The following RGS6 variants were observed in gnomAD, a reference collection of about 807,000 sequenced individuals.
The protein encoded by RGS6 is regulator of G-protein signaling 6.
Under a neutral mutation model 78.5 loss-of-function variants are expected in RGS6, and 30 were observed. The ratio of observed to expected loss-of-function variants is 0.38; its 90% CI spans 0.29 to 0.52. The LOEUF (loss-of-function observed/expected upper bound fraction) is 0.52. Among genes scored for constraint, RGS6 ranks in the 20% least tolerant of loss-of-function variants. The probability of loss-of-function intolerance (pLI) is 0.85; values close to 1 mark genes in which losing one functional copy is unlikely to be tolerated. For synonymous variants in RGS6, 206 were observed against 206.0 expected (o/e 1.00, Z 0.00); for missense variants, 495 against 609.7 (o/e 0.81, Z 1.98).
At chr14:72,566,643 A>T (rs1353385355), downstream of RGS6, 45 of 121,352 alleles carry the variant, frequency 3.7e-4, 1 homozygote, top group African/African-American at 1.3e-3. Context: ...ACACACACAC[A>T]CACACACACA....
At chr14:72,486,536 C>A (rs1215194332) in intron 12 of RGS6, among the ~76,000 whole-genome samples, 2 of 152,116 alleles carry the variant, frequency 1.3e-5, no homozygotes, top group African/African-American at 4.8e-5. Context: ...CATCCAGAAT[C>A]CCTATCTGCT....
chr14:72,464,972 G>A (rs1052820597), intron 6 of RGS6, among the ~76,000 whole-genome samples: 1 of 152,180 alleles, frequency 6.6e-6, no homozygotes, highest in African/African-American at 2.4e-5. Context: ...TCAGTGCAAT[G>A]GAATTTAGTT....
chr14:71,933,355 G>T (rs2088200832), intron 1 of RGS6: 1 of 151,984 alleles, frequency 6.6e-6, no homozygotes, highest in Non-Finnish European at 1.5e-5. Context: ...CCCTGAACAA[G>T]CTCGCCCATT....
the RGS6 span, among the ~76,000 whole-genome samples, chr14:72,600,166 C>T: frequency 4.7e-4 from 72 of 152,202 alleles, no homozygotes; most frequent in African/African-American, 1.6e-3. Flanking sequence ...TGCCTTCACT[C>T]TCTCCCCCTC....
chr14:72,190,082 T>G (rs2097303311), intron 2 of RGS6, among the ~76,000 whole-genome samples: 1 of 152,202 alleles, frequency 6.6e-6, no homozygotes, highest in Admixed American at 6.5e-5. Flanking sequence ...CCAGCCAACC[T>G]GTGTACCCCT....
At chr14:72,096,651 G>T (rs2095414499) in intron 2 of RGS6, among the ~76,000 whole-genome samples, 1 of 152,148 alleles carries the variant, frequency 6.6e-6, no homozygotes, top group Non-Finnish European at 1.5e-5. Flanking sequence ...GGCAGCTGGG[G>T]CTCCTACACA....
the RGS6 span, among the ~76,000 whole-genome samples, chr14:71,926,871 C>A: frequency 6.6e-6 from 1 of 152,088 alleles, no homozygotes; most frequent in African/African-American, 2.4e-5. Flanking sequence ...AAGGATCCTT[C>A]TTATTGAAGT....
intron 3 of RGS6, among the ~76,000 whole-genome samples, chr14:72,439,581 A>T (rs866025379): frequency 6.6e-6 from 1 of 152,230 alleles, no homozygotes; most frequent in African/African-American, 2.4e-5. Flanking sequence ...CGCTAAGCCT[A>T]TGCAATAAAT....
chr14:72,389,650 G>A (rs531229171), intron 3 of RGS6, among the ~76,000 whole-genome samples: 13 of 152,296 alleles, frequency 8.5e-5, no homozygotes, highest in African/African-American at 3.1e-4. Flanking sequence ...ATGAGTGGTA[G>A]CATCCTAAGC....
At chr14:72,202,814 C>A (rs1030787211) in intron 2 of RGS6, among the ~76,000 whole-genome samples, 1 of 151,886 alleles carries the variant, frequency 6.6e-6, no homozygotes, top group Non-Finnish European at 1.5e-5. Flanking sequence ...TCTGCTTGAA[C>A]AGCAAGTCTG....
intron 12 of RGS6, among the ~76,000 whole-genome samples, chr14:72,489,862 C>T (rs1286108190): frequency 6.6e-6 from 1 of 152,190 alleles, no homozygotes; most frequent in Non-Finnish European, 1.5e-5. Context: ...GTTGTTTTAA[C>T]CATTTGTGGT....
the RGS6 span, among the ~76,000 whole-genome samples, chr14:71,925,181 C>G: frequency 6.6e-6 from 1 of 152,118 alleles, no homozygotes; most frequent in African/African-American, 2.4e-5. Flanking sequence ...GTGGAACATT[C>G]TTTTCATATA....
chr14:72,305,391 A>AT (rs541316521), intron 2 of RGS6, among the ~76,000 whole-genome samples: 36 of 152,122 alleles, frequency 2.4e-4, no homozygotes, highest in Non-Finnish European at 4.1e-4. Flanking sequence ...CAGATATCAC[A>AT]TTTTTTTACA....
At chr14:72,244,064 C>T (rs1281027899) in intron 2 of RGS6, among the ~76,000 whole-genome samples, 1 of 152,096 alleles carries the variant, frequency 6.6e-6, no homozygotes, top group Admixed American at 6.6e-5. Context: ...TGCAGTCTAC[C>T]CTCAGAACAG....
chr14:72,448,071 G>A (rs1161979432), intron 3 of RGS6, among the ~76,000 whole-genome samples: 1 of 152,186 alleles, frequency 6.6e-6, no homozygotes, highest in African/African-American at 2.4e-5. Flanking sequence ...GCATTGTGAA[G>A]AGAGTTTTGT....
intron 2 of RGS6, among the ~76,000 whole-genome samples, chr14:72,158,395 C>T (rs548690014): frequency 2.6e-5 from 4 of 152,172 alleles, no homozygotes; most frequent in African/African-American, 4.8e-5. Flanking sequence ...GATCCTGTCT[C>T]CAAAGATGGT....
At chr14:72,401,817 T>C (rs1426160328) in intron 3 of RGS6, among the ~76,000 whole-genome samples, 3 of 152,094 alleles carry the variant, frequency 2.0e-5, no homozygotes, top group African/African-American at 7.2e-5. Context: ...TTGCCAAACA[T>C]CCTGAGGTCA....
the RGS6 span, among the ~76,000 whole-genome samples, chr14:72,599,419 T>C: frequency 7.7e-6 from 1 of 130,360 alleles, no homozygotes; most frequent in Non-Finnish European, 1.6e-5. Context: ...TTTTTTTTTT[T>C]TTTTTTTGAG....
chr14:71,881,680 T>G, the RGS6 span, among the ~76,000 whole-genome samples: 1 of 152,222 alleles, frequency 6.6e-6, no homozygotes, highest in South Asian at 2.1e-4. Context: ...CCATTAAAAC[T>G]CTTTTTCTTT....
Sources: gnomAD v4.1 joint callset for allele counts (sites outside exome capture counted in the v4.1 genomes callset) on GRCh38, gnomAD v4.1.1 for gene constraint, MANE v1.5 for transcripts, NCBI Gene and HGNC (gene_info 2026-07-23, HGNC 2026-07-21) for gene names.